STK32A: variants seen among roughly 807,000 people sequenced by gnomAD.
STK32A encodes serine/threonine-protein kinase 32A.
In STK32A, 41 loss-of-function variants were observed where a neutral mutation model predicts 53.2. The ratio of observed to expected loss-of-function variants is 0.77; its 90% CI spans 0.60 to 1.00. The LOEUF (loss-of-function observed/expected upper bound fraction) is 1.00, where lower values mean the gene tolerates loss of function less well. Ranked by LOEUF, STK32A falls within the 50% of genes least tolerant of loss-of-function variation. STK32A has a pLI of 0.00. For missense variants in STK32A, 458 were observed against 485.8 expected, an observed-to-expected ratio of 0.94 and a Z score of 0.54; for synonymous variants, 166 against 162.8, an observed-to-expected ratio of 1.02 and a Z score of -0.15.
the STK32A span, among the ~76,000 whole-genome samples, chr5:147,399,478 C>T: frequency 7.1e-6 from 1 of 141,314 alleles, no homozygotes; most frequent in East Asian, 2.8e-4. Flanking sequence ...GAAGTTACTG[C>T]CCCTGAAGTA....
In STK32A at chr5:147,385,817, A is replaced by C. The variant is rs1435299860; in HGVS notation, c.*1834A>C. On this transcript the variant is annotated 3_prime_UTR_variant, in exon 13 of 13. Transcript: ENST00000397936. ...ACTCAGAGTACCTAAACCTGTCCTT[A>C]CTTATGGAGAGCATGTGTCACACCA... The C allele has an allele frequency of 6.6e-6, 1 of 152,156 alleles. No individual in the cohort carries two copies. Among genetic ancestry groups the C allele is most frequent in the African/African-American group, 2.4e-5 (1 of 41,424 alleles). 9.4% of individuals were successfully genotyped at this position (152,156 alleles called of 1,614,324 possible). A position where few individuals can be genotyped will look rare whatever the true frequency, so the allele number is the denominator to read the frequency against.
intron 4 of STK32A, among the ~76,000 whole-genome samples, chr5:147,282,502 A>G (rs1265920986): frequency 6.6e-6 from 1 of 152,220 alleles, no homozygotes; most frequent in East Asian, 1.9e-4. Flanking sequence ...GAATCACAGA[A>G]TGGATAAGAA....
chr5:147,389,806 G>A (rs1017071918), downstream of STK32A, among the ~76,000 whole-genome samples: 2 of 152,140 alleles, frequency 1.3e-5, no homozygotes, highest in African/African-American at 4.8e-5. Flanking sequence ...AGGAAGTGGA[G>A]GTTGTAGTGA....
intron 2 of STK32A, among the ~76,000 whole-genome samples, chr5:147,245,894 T>A (rs1391403203): frequency 6.6e-6 from 1 of 152,166 alleles, no homozygotes; most frequent in Admixed American, 6.5e-5. Context: ...ACAGAGGCAA[T>A]GGGATCCTTT....
chr5:147,239,880 G>A, intron 2 of STK32A, 194 bp downstream of exon 2: 1 of 564,064 alleles, frequency 1.8e-6, no homozygotes, highest in Non-Finnish European at 3.1e-6. Flanking sequence ...GGGACCTTTG[G>A]CAGCTTTCCT....
chr5:147,314,536 A>T (rs1362918290), intron 4 of STK32A, among the ~76,000 whole-genome samples: 1 of 144,988 alleles, frequency 6.9e-6, no homozygotes, highest in Non-Finnish European at 1.5e-5. Context: ...ACAAAAAAAA[A>T]AAAAGAACAA....
chr5:147,293,479 TAAAAAAAAAAAAAAAA>T (rs57835374), intron 4 of STK32A, among the ~76,000 whole-genome samples: 3 of 106,848 alleles, frequency 2.8e-5, no homozygotes, highest in African/African-American at 1.1e-4. Flanking sequence ...TATTTCGAGG[TAAAAAAAAAAAAAAAA>T]AAAAAAAAAG....
At chr5:147,331,528 CTTCAGTTTAGATACATATT>C (rs1185475939) in intron 5 of STK32A, among the ~76,000 whole-genome samples, 3 of 152,176 alleles carry the variant, frequency 2.0e-5, no homozygotes, top group Non-Finnish European at 4.4e-5. Flanking sequence ...TAGCATAAAA[CTTCAGTTTAGATACATATT>C]TTAGTGGGTA....
intron 4 of STK32A, among the ~76,000 whole-genome samples, chr5:147,304,404 A>G (rs1241319967): frequency 1.3e-5 from 2 of 152,228 alleles, no homozygotes; most frequent in East Asian, 1.9e-4. Flanking sequence ...AGCTCTGTTA[A>G]TTTTGAACTG....
At chr5:147,238,352 G>C (rs1211843417) in intron 1 of STK32A, among the ~76,000 whole-genome samples, 1 of 152,120 alleles carries the variant, frequency 6.6e-6, no homozygotes, top group Admixed American at 6.5e-5. Context: ...CATCTGCCTG[G>C]CTCCTATAGG....
chr5:147,383,826 A>C, intron 12 of STK32A, 64 bp from the exon 13 acceptor site: 1 of 1,306,170 alleles, frequency 7.7e-7, no homozygotes, highest in East Asian at 2.6e-5. Context: ...TTATTTCAAA[A>C]GCTTAAACCT....
chr5:147,261,581 T>A (rs1754574191), intron 2 of STK32A, among the ~76,000 whole-genome samples: 1 of 152,112 alleles, frequency 6.6e-6, no homozygotes, highest in Non-Finnish European at 1.5e-5. Flanking sequence ...AAGGTTGCTT[T>A]ACGAGGAAGT....
chr5:147,374,639 G>A (rs909261638), intron 10 of STK32A, among the ~76,000 whole-genome samples: 2 of 152,020 alleles, frequency 1.3e-5, no homozygotes, highest in Admixed American at 6.6e-5. Context: ...GAAGTTCTAC[G>A]TTATGCTTCT....
At chr5:147,399,154 C>T in the STK32A span, 3 of 1,614,090 alleles carry the variant, frequency 1.9e-6, no homozygotes, top group Non-Finnish European at 8.5e-7. Flanking sequence ...TGTCAGAACC[C>T]ACAGATATTC....
intron 4 of STK32A, among the ~76,000 whole-genome samples, chr5:147,314,927 T>C (rs978733629): frequency 6.6e-6 from 1 of 151,970 alleles, no homozygotes; most frequent in Admixed American, 6.6e-5. Context: ...TTTTCTTTTG[T>C]AGACACAGTG....
At chr5:147,278,242 CAG>C in intron 3 of STK32A, 63 bp downstream of exon 3, 1 of 1,334,004 alleles carries the variant, frequency 7.5e-7, no homozygotes, top group South Asian at 1.3e-5. Flanking sequence ...ACAGAGGGTC[CAG>C]AAATGTTCAC....
chr5:147,397,791 C>T, the STK32A span: 5 of 1,614,100 alleles, frequency 3.1e-6, no homozygotes, highest in East Asian at 2.2e-5. Context: ...TGGCAGATGA[C>T]AACCAGAGGA....
intron 8 of STK32A, among the ~76,000 whole-genome samples, chr5:147,367,588 G>A (rs1756818195): frequency 6.6e-6 from 1 of 152,084 alleles, no homozygotes; most frequent in Non-Finnish European, 1.5e-5. Context: ...TGGTGGGCAG[G>A]GGTGAGGATC....
chr5:147,336,114 TATACTC>T (rs1755107487), intron 5 of STK32A, among the ~76,000 whole-genome samples: 1 of 152,168 alleles, frequency 6.6e-6, no homozygotes, highest in South Asian at 2.1e-4. Context: ...ACTATACTAA[TATACTC>T]ATGCAACCTA....
Sources: allele counts gnomAD v4.1 joint callset (sites outside exome capture counted in the v4.1 genomes callset), GRCh38; gene constraint gnomAD v4.1.1; transcripts MANE v1.5; gene names NCBI Gene and HGNC (gene_info 2026-07-23, HGNC 2026-07-21).